Variants in FADS3 observed in about 807,000 individuals in gnomAD.
FADS3 encodes the protein fatty acid desaturase 3.
A neutral mutation model predicts 60.4 loss-of-function variants in FADS3; 30 were observed. The ratio of observed to expected loss-of-function variants is 0.50; its 90% CI spans 0.37 to 0.67. The LOEUF (loss-of-function observed/expected upper bound fraction) is 0.67. FADS3 is among the 30% of genes least tolerant of loss of function. FADS3 has a pLI of 0.00. For missense variants in FADS3, 432 were observed against 598.3 expected (o/e 0.72, Z 2.90); for synonymous variants, 234 against 249.3 (o/e 0.94, Z 0.58).
At chr11:61,891,051 CA>C (rs1436672257) in intron 1 of FADS3, 117 bp downstream of exon 1, 11 of 928,432 alleles carry the variant, frequency 1.2e-5, no homozygotes, top group Admixed American at 6.6e-5. Flanking sequence ...GCGTGGAGGT[CA>C]AAGGTCAGCG....
intron 1 of FADS3, among the ~76,000 whole-genome samples, chr11:61,889,619 T>C (rs1317465413): frequency 6.6e-6 from 1 of 152,064 alleles, no homozygotes; most frequent in Non-Finnish European, 1.5e-5. Flanking sequence ...TGCACTCCAG[T>C]CTGGGTGGCA....
intron 3 of FADS3, 96 bp downstream of exon 3, chr11:61,879,216 T>C (rs1938029224): frequency 1.8e-6 from 2 of 1,082,804 alleles, no homozygotes; most frequent in East Asian, 2.6e-5. Context: ...CATAGGTCCA[T>C]TCATTCATTT....
intron 1 of FADS3, chr11:61,882,020 T>A (rs1368084281): frequency 6.7e-6 from 1 of 149,800 alleles, no homozygotes; most frequent in African/African-American, 2.5e-5. Context: ...GGCCCCCAGC[T>A]ACCTGCAGAG....
rs1938503935 is a variant in FADS3, at chr11:61,891,313, G to A, written c.69C>T (p.Phe23=). ...PAQPGAPLPT[F]CWEQIRAHDQ... ...CGTGCGCGCGGATCTGCTCCCAGCA[G>A]AAGGTGGGCAGCGGCGCCCCCGGCT... is the stretch of plus-strand genomic sequence containing the variant. The change falls in exon 1 of 12, where the codon TTC becomes TTT. Residue 23 remains phenylalanine (F), a synonymous_variant. Coordinates refer to ENST00000278829, the MANE Select transcript of FADS3 (RefSeq NM_021727.5). 3 of 1,526,444 alleles carry A rather than the reference G, an allele frequency of 2.0e-6. No individual in the cohort carries two copies. Among genetic ancestry groups the A allele is most frequent in the Non-Finnish European group, 2.6e-6 (3 of 1,140,768 alleles). The allele number at this position is 1,526,444 out of a possible 1,614,324, so 94.6% of individuals were successfully genotyped here.
intron 2 of FADS3, 74 bp downstream of exon 2, chr11:61,879,967 T>C (rs990861591): frequency 5.3e-5 from 67 of 1,261,204 alleles, no homozygotes; most frequent in African/African-American, 7.4e-5. Context: ...CTCCTGGCCA[T>C]GTGGCAATGT....
chr11:61,876,229 G>A lies in FADS3; in HGVS notation c.1081-39C>T, dbSNP rs746438349. 7.0e-6 allele frequency: 11 copies of A among 1,579,522 alleles called. No homozygotes were observed. The highest frequency in any genetic ancestry group is 7.7e-6 in the Non-Finnish European group (9 of 1,162,720). On this transcript the variant is annotated intron_variant, in intron 9 of 11. Transcript: ENST00000278829. This position sits in a 1 kb window ranked among gnomAD's most constrained non-coding sequence, Gnocchi z 5.7. ...GCGGGGCACATGTGAGGAGGCCGTT[G>A]CAGATCCCTGACCCCACGGCACCAT...
Position 61,876,727 on chromosome 11 carries a change from GT to G in FADS3, c.983+138del. The G allele has an allele frequency of 1.2e-6, 1 of 806,798 alleles. No homozygotes were observed. The allele number at this position is 806,798 out of a possible 1,614,324, so 50.0% of individuals were successfully genotyped here. On this transcript the variant is annotated intron_variant, in intron 8 of 11. Transcript: ENST00000278829. This position sits in a 1 kb window ranked among gnomAD's most constrained non-coding sequence, Gnocchi z 5.7. Reference sequence around the variant, plus strand: ...GACCCTGGGCTCCTGCCACGCTTGTGTTTATGTGATTCCACCAGCAAGCCAG... The same window carrying G: ...GACCCTGGGCTCCTGCCACGCTTGTGTTATGTGATTCCACCAGCAAGCCAG...
At chr11:61,874,739 T>C (rs1443900055) in intron 11 of FADS3, among the ~76,000 whole-genome samples, 1 of 152,064 alleles carries the variant, frequency 6.6e-6, no homozygotes, top group African/African-American at 2.4e-5. Context: ...CCCTCCTCCC[T>C]GTCCCTGCTC....
At chr11:61,879,653 T>C (rs1938051375) in intron 2 of FADS3, 144 bp from the exon 3 acceptor site, 1 of 798,250 alleles carries the variant, frequency 1.3e-6, no homozygotes, top group East Asian at 2.7e-5. Flanking sequence ...CAGCCCGGGG[T>C]GTGAGCTGGA....
At chr11:61,880,009 G>T in intron 2 of FADS3, 32 bp downstream of exon 2, 1 of 1,563,678 alleles carries the variant, frequency 6.4e-7, no homozygotes. Flanking sequence ...CCCTCCCTCA[G>T]GGGCTGAGCC....
At position 61,876,574 on chromosome 11, in the gene FADS3, T is replaced by C. The variant is rs1937896519; in HGVS notation, c.984-119A>G. ...CTTCCTTATCTGTACAATAGGATTGTGGCCATCGCCCCCTTGCCAGTGTTT... is the reference window on the plus strand; with the variant it reads ...CTTCCTTATCTGTACAATAGGATTGCGGCCATCGCCCCCTTGCCAGTGTTT... On this transcript the variant is annotated intron_variant, in intron 8 of 11. Transcript: ENST00000278829. This position sits in a 1 kb window ranked among gnomAD's most constrained non-coding sequence, Gnocchi z 5.7. 1 of 803,382 alleles carries C rather than the reference T, an allele frequency of 1.2e-6. No individual in the cohort carries two copies. Among genetic ancestry groups the C allele is most frequent in the Non-Finnish European group, 2.1e-6 (1 of 468,724 alleles). The allele number at this position is 803,382 out of a possible 1,614,324, so 49.8% of individuals were successfully genotyped here. A position where few individuals can be genotyped will look rare whatever the true frequency, so the allele number is the denominator to read the frequency against.
chr11:61,876,509 G>T lies in FADS3; in HGVS notation c.984-54C>A. On this transcript the variant is annotated intron_variant, in intron 8 of 11. Transcript: ENST00000278829. This position sits in a 1 kb window ranked among gnomAD's most constrained non-coding sequence, Gnocchi z 5.7. ...GTCCAGCTCACCACTTAGGCACCCT[G>T]AGTGGAGGCTGGAGAGCAGCTGTCC... The T allele has an allele frequency of 7.1e-7, 1 of 1,417,346 alleles. No homozygotes were observed. The allele number at this position is 1,417,346 out of a possible 1,614,324, so 87.8% of individuals were successfully genotyped here. A position where few individuals can be genotyped will look rare whatever the true frequency, so the allele number is the denominator to read the frequency against.
At chr11:61,878,491 T>A in intron 5 of FADS3, 21 bp downstream of exon 5, 4 of 1,610,908 alleles carry the variant, frequency 2.5e-6, no homozygotes, top group South Asian at 2.2e-5. Context: ...CCAGAGGTTG[T>A]CCACGTCCCT....
In FADS3 at chr11:61,877,413, G is replaced by T; in HGVS notation, c.885+98C>A. 1.8e-6 allele frequency: 2 copies of T among 1,127,936 alleles called. No homozygotes were observed. The highest frequency in any genetic ancestry group is 2.5e-5 in the South Asian group (2 of 78,978). 69.9% of individuals were successfully genotyped at this position (1,127,936 alleles called of 1,614,324 possible). On this transcript the variant is annotated intron_variant, in intron 7 of 11. Transcript: ENST00000278829. The surrounding 1 kb of genome is among the most constrained non-coding windows in gnomAD (Gnocchi z 4.7). ...GTGAGCCACACTGTTGCACGCACAT[G>T]TGCACCCTGTTTGCCTTCATGGGCA...
chr11:61,879,489 G>A lies in FADS3; in HGVS notation c.345C>T (p.Phe115=). The change falls in exon 3 of 12, where the codon TTC becomes TTT. Residue 115 remains phenylalanine, a synonymous_variant. Transcript: ENST00000278829. ...CCTCGGCTGCCTGGTGCAGGGCTCG[G>A]AAGTCCTCGACCAGCTGCGCCTGCC... ...GPLNAQLVED[F]RALHQAAEDM... is the part of the protein sequence containing the mutation. The A allele has an allele frequency of 1.3e-6, 2 of 1,590,268 alleles. No homozygotes were observed. The highest frequency in any genetic ancestry group is 8.5e-7 in the Non-Finnish European group (1 of 1,170,828).
At position 61,880,150 on chromosome 11, in the gene FADS3, T is replaced by A; in HGVS notation, c.215A>T (p.Asp72Val). 1 of 1,613,510 alleles carries A rather than the reference T, an allele frequency of 6.2e-7. No individual in the cohort carries two copies. The highest frequency in any genetic ancestry group is 8.5e-7 in the Non-Finnish European group (1 of 1,179,560). ...ATCTTGATGGAAGGCACGGAAGGCA[T>A]CCTGAAGGAGAGCAGACAGTCAGGC... is the stretch of plus-strand genomic sequence containing the variant. ...IGHHGAEDAT[D>V]AFRAFHQDLN... is the part of the protein sequence containing the mutation. The change falls in exon 2 of 12, where the codon GAT becomes GTT. Residue 72 changes from aspartate to valine, a missense_variant and splice_region_variant. By Grantham distance (152) the Asp-to-Val change is radical. Around this residue, in one of 5 missense-constraint regions of FADS3, gnomAD observed 167 missense variants for 188.8 expected, o/e 0.88. Coordinates refer to ENST00000278829, the MANE Select transcript of FADS3 (RefSeq NM_021727.5).
intron 11 of FADS3, among the ~76,000 whole-genome samples, chr11:61,874,186 G>A (rs1235446172): frequency 6.6e-6 from 1 of 152,240 alleles, no homozygotes; most frequent in African/African-American, 2.4e-5. Context: ...GCTGGGCGCT[G>A]CAACCCAAGG....
chr11:61,885,459 T>A (rs1031250162), intron 1 of FADS3, among the ~76,000 whole-genome samples: 1 of 152,152 alleles, frequency 6.6e-6, no homozygotes, highest in Admixed American at 6.5e-5. Flanking sequence ...ACAGCCCAGC[T>A]CTTTCTGAGC....
chr11:61,876,719 A>G lies in FADS3; in HGVS notation c.983+147T>C. ...AACCCACCGACCCTGGGCTCCTGCCACGCTTGTGTTTATGTGATTCCACCA... is the reference window on the plus strand; with the variant it reads ...AACCCACCGACCCTGGGCTCCTGCCGCGCTTGTGTTTATGTGATTCCACCA... On this transcript the variant is annotated intron_variant, in intron 8 of 11. Coordinates refer to ENST00000278829, the MANE Select transcript of FADS3 (RefSeq NM_021727.5). This position sits in a 1 kb window ranked among gnomAD's most constrained non-coding sequence, Gnocchi z 5.7. 1 of 772,986 alleles carries G rather than the reference A, an allele frequency of 1.3e-6. No homozygotes were observed. The highest frequency in any genetic ancestry group is 1.7e-5 in the African/African-American group (1 of 58,374). 47.9% of individuals were successfully genotyped at this position (772,986 alleles called of 1,614,324 possible).
Sources: gnomAD v4.1 joint callset for allele counts (sites outside exome capture counted in the v4.1 genomes callset) on GRCh38, gnomAD v4.1.1 for gene constraint, gnomAD v4.1.1 regional missense constraint, Gnocchi (gnomAD v3.1) non-coding constraint, MANE v1.5 for transcripts, NCBI Gene and HGNC (gene_info 2026-07-23, HGNC 2026-07-21) for gene names.